STRC: variants seen among roughly 807,000 people sequenced by gnomAD.
STRC encodes the protein stereocilin.
STRC carries 43 observed loss-of-function variants against 103.5 expected under a neutral mutation model. The ratio of observed to expected loss-of-function variants is 0.42; its 90% CI spans 0.33 to 0.54. STRC has a LOEUF of 0.54. Ranked by LOEUF, STRC falls within the 20% of genes least tolerant of loss-of-function variation. The probability of loss-of-function intolerance (pLI) is 0.14; values close to 1 mark genes in which losing one functional copy is unlikely to be tolerated. For missense variants in STRC, 499 were observed against 1,088.5 expected (o/e 0.46, Z 7.62); for synonymous variants, 186 against 442.3 (o/e 0.42, Z 7.27).
At chr15:43,602,824 T>G (rs1230693150) in intron 23 of STRC, among the ~76,000 whole-genome samples, 3 of 151,574 alleles carry the variant, frequency 2.0e-5, no homozygotes, top group African/African-American at 7.3e-5. Flanking sequence ...TTTTTGTATT[T>G]TTAGTAGAGA....
At chr15:43,600,730 G>T (rs1595956877) in intron 25 of STRC, 48 bp from the exon 26 acceptor site, 1 of 1,612,822 alleles carries the variant, frequency 6.2e-7, no homozygotes, top group Non-Finnish European at 8.5e-7. Context: ...TTCAGTGAAA[G>T]GGGCTGTGGT....
At chr15:43,605,574 G>C (rs537312617) in intron 18 of STRC, among the ~76,000 whole-genome samples, 175 bp from the exon 19 acceptor site, 3 of 149,212 alleles carry the variant, frequency 2.0e-5, no homozygotes, top group African/African-American at 7.5e-5. Context: ...AAGCTTGAGT[G>C]GGGGAGAAAA....
intron 15 of STRC, 139 bp from the exon 16 acceptor site, chr15:43,609,473 G>C: frequency 1.4e-6 from 1 of 732,374 alleles, no homozygotes; most frequent in East Asian, 2.6e-5. Flanking sequence ...CACTCTCCCA[G>C]ATGCCCACTC....
In STRC at chr15:43,603,387, A is replaced by G. The variant is rs1167590606; in HGVS notation, c.4400T>C (p.Val1467Ala). Residue 1467 changes from valine (V) to alanine (A), a missense_variant, in exon 23 of 29, where the codon GTA (valine) becomes GCA (alanine). Val to Ala is a moderately conservative substitution (Grantham distance 64). Transcript: ENST00000450892. ...LPEPVPNCAD[V>A]RGTFPAAWSA... ...CCAGGCTGCTGGGAATGTCCCTCGT[A>G]CATCTGCACAATTTGGCACAGGTTC... 4 of 1,613,606 alleles carry G rather than the reference A, an allele frequency of 2.5e-6. No homozygotes were observed. In the Admixed American group the frequency reaches 6.7e-5, roughly 27 times the overall value.
At chr15:43,602,198 T>C (rs568125493) in intron 23 of STRC, among the ~76,000 whole-genome samples, 7 of 151,234 alleles carry the variant, frequency 4.6e-5, no homozygotes, top group Non-Finnish European at 1.0e-4. Context: ...TTTTAATTTA[T>C]GAGACAGGGT....
intron 20 of STRC, 73 bp from the exon 21 acceptor site, chr15:43,604,524 A>C: frequency 6.2e-7 from 1 of 1,601,466 alleles, no homozygotes; most frequent in South Asian, 1.1e-5. Flanking sequence ...AAAAGAGGAC[A>C]TGCTAGGATT....
Position 43,603,421 on chromosome 15 carries a change from G to A in STRC, c.4376-10C>T. The A allele has an allele frequency of 1.2e-6, 2 of 1,612,630 alleles. No individual in the cohort carries two copies. The highest frequency in any genetic ancestry group is 1.1e-5 in the South Asian group (1 of 91,054). On this transcript the variant is annotated splice_polypyrimidine_tract_variant and intron_variant, in intron 22 of 28. Transcript: ENST00000450892. ...CAATTTGGCACAGGTTCTGAAGGGG[G>A]AAGGCAGGGCCAGGAGGTCAGCGCA...
In STRC at chr15:43,604,460, A is replaced by G. The variant is rs563952879; in HGVS notation, c.4128-9T>C. 3.2e-6 allele frequency: 5 copies of G among 1,566,932 alleles called. No individual in the cohort carries two copies. In the African/African-American group the frequency reaches 6.8e-5, roughly 21 times the overall value. On this transcript the variant is annotated splice_polypyrimidine_tract_variant and intron_variant, in intron 20 of 28. Transcript: ENST00000450892. Reference sequence around the variant, plus strand: ...TCCACAACTCTGGTTTCCTGGGGACAGGAAGAAAATCGGGGGCTGGGGAGC... The same window carrying G: ...TCCACAACTCTGGTTTCCTGGGGACGGGAAGAAAATCGGGGGCTGGGGAGC...
intron 22 of STRC, 70 bp downstream of exon 22, chr15:43,603,926 A>T: frequency 6.2e-7 from 1 of 1,609,102 alleles, no homozygotes; most frequent in East Asian, 2.2e-5. Context: ...GGAAGAGCAC[A>T]TGTAGAACCC....
chr15:43,605,611 T>TA (rs59946403), intron 18 of STRC, among the ~76,000 whole-genome samples: 39 of 128,226 alleles, frequency 3.0e-4, no homozygotes, highest in Admixed American at 4.6e-4. Flanking sequence ...CTAGTCTTCC[T>TA]AAAAAAAAAA....
At chr15:43,603,867 A>G in intron 22 of STRC, 129 bp downstream of exon 22, 2 of 1,504,086 alleles carry the variant, frequency 1.3e-6, no homozygotes, top group Non-Finnish European at 9.0e-7. Flanking sequence ...AGGCTTGAAG[A>G]TCATCCCTCT....
intron 23 of STRC, among the ~76,000 whole-genome samples, chr15:43,601,984 G>T (rs2085672644): frequency 1.3e-5 from 2 of 151,572 alleles, no homozygotes; most frequent in South Asian, 4.2e-4. Flanking sequence ...GCCAGGTGTG[G>T]TGCACCTGTA....
chr15:43,605,495 C>G (rs1194925834), intron 18 of STRC, 96 bp from the exon 19 acceptor site: 1 of 1,541,930 alleles, frequency 6.5e-7, no homozygotes, highest in Admixed American at 2.0e-5. Context: ...AAGATGTGAC[C>G]CCAGACCAAA....
At chr15:43,602,126 A>AAAC (rs1254806674) in intron 23 of STRC, among the ~76,000 whole-genome samples, 1 of 149,572 alleles carries the variant, frequency 6.7e-6, no homozygotes, top group East Asian at 1.9e-4. Flanking sequence ...TGTCTCAAAA[A>AAAC]AAAAAAAAAA....
chr15:43,609,522 G>T (rs560755860), intron 15 of STRC, 188 bp from the exon 16 acceptor site: 3 of 625,322 alleles, frequency 4.8e-6, no homozygotes, highest in South Asian at 3.7e-5. Context: ...GAAAAGGGAA[G>T]GAGAAAGAAA....
intron 23 of STRC, 113 bp from the exon 24 acceptor site, chr15:43,601,664 G>A: frequency 8.6e-7 from 1 of 1,165,488 alleles, no homozygotes; most frequent in Non-Finnish European, 1.3e-6. Flanking sequence ...TAAATCATTT[G>A]CCTTTTCTTT....
chr15:43,606,519 G>C (rs1595959808), intron 18 of STRC, among the ~76,000 whole-genome samples: 1 of 151,176 alleles, frequency 6.6e-6, no homozygotes. Flanking sequence ...AGAATTGCTT[G>C]AACCCCAGAG....
chr15:43,609,207 C>T, intron 16 of STRC, 69 bp downstream of exon 16: 4 of 1,491,122 alleles, frequency 2.7e-6, no homozygotes, highest in Non-Finnish European at 2.8e-6. Flanking sequence ...CACATGGTGC[C>T]TGGCACATAG....
chr15:43,601,827 CAGATG>C (rs2141520067), intron 23 of STRC, among the ~76,000 whole-genome samples: 2 of 151,982 alleles, frequency 1.3e-5, no homozygotes, highest in South Asian at 4.2e-4. Flanking sequence ...CTTATTAAAA[CAGATG>C]CCTAGGGCCC....
Sources: allele counts gnomAD v4.1 joint callset (sites outside exome capture counted in the v4.1 genomes callset), GRCh38; gene constraint gnomAD v4.1.1; transcripts MANE v1.5; gene names NCBI Gene and HGNC (gene_info 2026-07-23, HGNC 2026-07-21).